DUS2: variants seen among roughly 807,000 people sequenced by gnomAD.
The protein encoded by DUS2 is dihydrouridine synthase 2, also known as tRNA-dihydrouridine(20) synthase [NAD(P)+]-like.
A neutral mutation model predicts 71.3 loss-of-function variants in DUS2; 52 were observed. The ratio of observed to expected loss-of-function variants is 0.73; its 90% confidence interval spans 0.58 to 0.92. The LOEUF is 0.92. Ranked by LOEUF, DUS2 falls within the 40% of genes least tolerant of loss-of-function variation. DUS2 has a pLI of 0.00. For missense variants in DUS2, 558 were observed against 622.6 expected (o/e 0.90, Z 1.10); for synonymous variants, 204 against 227.8 (o/e 0.90, Z 0.94).
intron 2 of DUS2, among the ~76,000 whole-genome samples, chr16:68,035,898 A>T (rs1385579637): frequency 4.8e-5 from 2 of 41,502 alleles, no homozygotes; most frequent in African/African-American, 1.3e-4. Flanking sequence ...ATATATATAT[A>T]TATATATATA....
rs58582112 is a variant in DUS2, at chr16:68,054,968, G to A, written c.308+351G>A. 4.9e-3 allele frequency among the ~76,000 whole-genome samples: 744 copies of A among 152,146 alleles called. 8 individuals carry two copies. Among genetic ancestry groups the A allele is most frequent in the African/African-American group, 0.017 (704 of 41,506 alleles). The stretch of plus-strand genomic sequence containing the variant: ...TGAGGCAGAAGAATCGCTTGAACCC[G>A]GGAGGCAGAGGTTGCAGTGAGCCGA... On this transcript the variant is annotated intron_variant, in intron 6 of 16. Coordinates refer to ENST00000565263, the MANE Select transcript of DUS2 (RefSeq NM_017803.5).
chr16:68,072,699 A>T (rs964217864), intron 12 of DUS2, among the ~76,000 whole-genome samples: 1 of 148,994 alleles, frequency 6.7e-6, no homozygotes, highest in Non-Finnish European at 1.5e-5. Flanking sequence ...CTAGAGCAGC[A>T]TAGGGGGTGG....
At chr16:68,035,189 G>A (rs1306882607) in intron 2 of DUS2, among the ~76,000 whole-genome samples, 1 of 151,990 alleles carries the variant, frequency 6.6e-6, no homozygotes, top group Non-Finnish European at 1.5e-5. Flanking sequence ...TTACAGAATC[G>A]CCTTCTCTCT....
At chr16:68,053,537 AC>A (rs759141552) in intron 4 of DUS2, 26 bp from the exon 5 acceptor site, 117 of 1,612,126 alleles carry the variant, frequency 7.3e-5, no homozygotes, top group South Asian at 1.2e-4. Flanking sequence ...TCATTGAGTG[AC>A]CCTATGTGTT....
At chr16:68,041,810 C>CAA (rs775747419) in intron 3 of DUS2, among the ~76,000 whole-genome samples, 8 of 56,572 alleles carry the variant, frequency 1.4e-4, no homozygotes, top group South Asian at 5.6e-4. Context: ...AACTCTGTGT[C>CAA]AAAAAAAAAA....
chr16:68,074,054 C>T lies in DUS2; in HGVS notation c.831C>T (p.His277=), dbSNP rs1171506354. The change falls in exon 13 of 17, where the codon CAC becomes CAT. Residue 277 remains histidine (H), a synonymous_variant. Transcript: ENST00000565263. ...CTCAGGCGGTGCAGTATGACAACCA[C>T]TACACCAACACCAAGTACTGCTTGT... The part of the protein sequence containing the change: ...YIRYAVQYDN[H]YTNTKYCLCQ... The T allele has an allele frequency of 6.2e-7, 1 of 1,614,218 alleles. No homozygotes were observed. Among genetic ancestry groups the T allele is most frequent in the Non-Finnish European group, 8.5e-7 (1 of 1,180,016 alleles).
intron 2 of DUS2, among the ~76,000 whole-genome samples, chr16:68,032,108 G>A (rs1041458299): frequency 5.3e-5 from 8 of 152,188 alleles, no homozygotes; most frequent in African/African-American, 1.2e-4. Context: ...ATCTCAGGGT[G>A]GGGTGAGTGG....
chr16:68,072,427 T>A (rs914593440), intron 12 of DUS2, among the ~76,000 whole-genome samples: 1 of 152,224 alleles, frequency 6.6e-6, no homozygotes, highest in Non-Finnish European at 1.5e-5. Flanking sequence ...GTGCTGAGCT[T>A]GCTCACTGGG....
intron 6 of DUS2, among the ~76,000 whole-genome samples, chr16:68,055,250 A>G (rs1201254817): frequency 2.0e-5 from 3 of 152,134 alleles, no homozygotes; most frequent in Admixed American, 2.0e-4. Context: ...GGTAAGACAT[A>G]TTGCTTCCTG....
chr16:68,032,974 G>T (rs1283904445), intron 2 of DUS2, among the ~76,000 whole-genome samples: 1 of 150,792 alleles, frequency 6.6e-6, no homozygotes, highest in Non-Finnish European at 1.5e-5. Context: ...GGGTGAGAGA[G>T]ACACAGGTGA....
intron 4 of DUS2, among the ~76,000 whole-genome samples, chr16:68,053,206 C>T (rs1314016647): frequency 6.6e-6 from 1 of 152,194 alleles, no homozygotes; most frequent in African/African-American, 2.4e-5. Context: ...CATGATCCGC[C>T]CGCCTCGGCC....
chr16:68,075,758 G>T (rs995536911), intron 14 of DUS2, among the ~76,000 whole-genome samples: 2 of 152,122 alleles, frequency 1.3e-5, no homozygotes, highest in African/African-American at 4.8e-5. Context: ...CTCAGGGCAG[G>T]GGGGACTTGT....
chr16:68,054,261 A>G (rs953238354), intron 5 of DUS2, among the ~76,000 whole-genome samples: 7 of 152,214 alleles, frequency 4.6e-5, no homozygotes, highest in Admixed American at 2.6e-4. Flanking sequence ...CATGTGATAA[A>G]GCAAATCTAG....
chr16:68,048,394 A>C (rs569501808), intron 3 of DUS2, among the ~76,000 whole-genome samples: 1 of 152,248 alleles, frequency 6.6e-6, no homozygotes, highest in South Asian at 2.1e-4. Context: ...ATCACTGGCT[A>C]CTGGGGCTCT....
chr16:68,041,555 G>C (rs2033625336), intron 3 of DUS2, among the ~76,000 whole-genome samples: 1 of 152,120 alleles, frequency 6.6e-6, no homozygotes, highest in Non-Finnish European at 1.5e-5. Context: ...GCTCATGCCT[G>C]TAATCCCAGC....
In DUS2 at chr16:68,056,423, A is replaced by G. The variant is rs755966518; in HGVS notation, c.368A>G (p.Lys123Arg). Residue 123 changes from lysine (K) to arginine (R), a missense_variant and splice_region_variant, in exon 7 of 17, where the codon AAG (lysine) becomes AGG (arginine). By Grantham distance (26) the Lys-to-Arg change is conservative. Transcript: ENST00000565263. Reference sequence around the variant, plus strand: ...GGCTGTCCAAAACAATATTCCACCAAGGTAAACTGGTTTCTTTATACTCCT... The same window carrying G: ...GGCTGTCCAAAACAATATTCCACCAGGGTAAACTGGTTTCTTTATACTCCT... ...NMGCPKQYST[K>R]GGMGAALLSD... 27 of 1,612,796 alleles carry G rather than the reference A, an allele frequency of 1.7e-5. No homozygotes were observed. The Admixed American group carries it at 4.5e-4, about 27-fold the overall frequency.
chr16:68,077,650 A>T (rs568867082), intron 15 of DUS2: 5 of 152,196 alleles, frequency 3.3e-5, no homozygotes, highest in African/African-American at 1.2e-4. Flanking sequence ...CGGCCTCCCA[A>T]AGTGCTAGGA....
At chr16:68,061,008 T>G in intron 7 of DUS2, 58 bp from the exon 8 acceptor site, 1 of 1,565,774 alleles carries the variant, frequency 6.4e-7, no homozygotes, top group Non-Finnish European at 8.8e-7. Context: ...CCCCATCCCA[T>G]GGAGAGGGCC....
At chr16:68,047,563 A>G (rs866630052) in intron 3 of DUS2, among the ~76,000 whole-genome samples, 1 of 150,338 alleles carries the variant, frequency 6.7e-6, no homozygotes, top group Non-Finnish European at 1.5e-5. Context: ...GGCTCACTGC[A>G]ACCTCCGCCT....
Sources: gnomAD v4.1 joint callset for allele counts (sites outside exome capture counted in the v4.1 genomes callset) on GRCh38, gnomAD v4.1.1 for gene constraint, MANE v1.5 for transcripts, NCBI Gene and HGNC (gene_info 2026-07-23, HGNC 2026-07-21) for gene names.